The following KCNN2 variants were observed in gnomAD, a reference collection of about 807,000 sequenced individuals.
KCNN2 encodes potassium calcium-activated channel subfamily N member 2.
In KCNN2, 24 loss-of-function variants were observed where a neutral mutation model predicts 55.5. The ratio of observed to expected loss-of-function variants is 0.43; its 90% CI spans 0.31 to 0.61. The LOEUF is 0.61. KCNN2 is among the 20% of genes least tolerant of loss of function. The pLI is 0.08. For synonymous variants in KCNN2, 431 were observed against 336.1 expected (o/e 1.28, Z -3.09); for missense variants, 754 against 853.6 (o/e 0.88, Z 1.45).
chr5:114,371,184 G>A (rs1472574374), intron 2 of KCNN2, among the ~76,000 whole-genome samples: 1 of 152,164 alleles, frequency 6.6e-6, no homozygotes, highest in African/African-American at 2.4e-5. Context: ...GGAGCAGGGT[G>A]TAGAATCAGG....
At chr5:114,217,926 A>T (rs980242446) in intron 1 of KCNN2, among the ~76,000 whole-genome samples, 2 of 152,234 alleles carry the variant, frequency 1.3e-5, no homozygotes, top group Non-Finnish European at 2.9e-5. Flanking sequence ...AATTAAAAAA[A>T]TGGGCAAAAG....
chr5:114,359,146 A>G (rs944728090), upstream of KCNN2, among the ~76,000 whole-genome samples: 3 of 152,222 alleles, frequency 2.0e-5, no homozygotes, highest in Non-Finnish European at 4.4e-5. Context: ...CTCTCTGTCC[A>G]ATCACAGTGA....
chr5:114,349,502 T>TA (rs1186843409), intron 2 of KCNN2, among the ~76,000 whole-genome samples: 1 of 152,064 alleles, frequency 6.6e-6, no homozygotes, highest in Non-Finnish European at 1.5e-5. Context: ...GAATTATGTG[T>TA]TTAGACTTGG....
chr5:114,263,144 T>G (rs4235760), intron 2 of KCNN2, among the ~76,000 whole-genome samples: 129,679 of 151,966 alleles, frequency 0.85, 55,447 homozygotes, highest in East Asian at 0.94. Context: ...TGGCTCTTGG[T>G]GAGCATGTTG....
chr5:114,350,699 T>G (rs1295108237), intron 2 of KCNN2, among the ~76,000 whole-genome samples: 1 of 151,936 alleles, frequency 6.6e-6, no homozygotes, highest in Non-Finnish European at 1.5e-5. Context: ...TAGCACTTTT[T>G]GTGGAAAAGA....
intron 2 of KCNN2, among the ~76,000 whole-genome samples, chr5:114,328,384 AGC>A (rs1011261975): frequency 6.6e-6 from 1 of 152,190 alleles, no homozygotes; most frequent in Non-Finnish European, 1.5e-5. Context: ...GCCACGAAGT[AGC>A]AAGAGAAGAG....
At chr5:114,404,945 G>C in intron 3 of KCNN2, 89 bp downstream of exon 3, 1 of 1,142,018 alleles carries the variant, frequency 8.8e-7, no homozygotes, top group Non-Finnish European at 1.3e-6. Flanking sequence ...GAGACGTGTA[G>C]TGTCTCACTC....
chr5:114,185,488 T>A (rs1011622143), intron 1 of KCNN2, among the ~76,000 whole-genome samples: 3 of 152,164 alleles, frequency 2.0e-5, no homozygotes, highest in African/African-American at 7.2e-5. Context: ...GGCCTCTCCT[T>A]TTCCTGTGTG....
intron 1 of KCNN2, among the ~76,000 whole-genome samples, chr5:114,194,886 AT>A (rs61169195): frequency 0.047 from 6,744 of 143,542 alleles, 283 homozygotes; most frequent in African/African-American, 0.12. Context: ...CCTTGATTTA[AT>A]TTTTTTTTTT....
At chr5:114,241,788 ATATATG>A (rs1449198716) in intron 2 of KCNN2, among the ~76,000 whole-genome samples, 4 of 15,086 alleles carry the variant, frequency 2.7e-4, no homozygotes, top group African/African-American at 1.2e-3. Flanking sequence ...ATATACGTAT[ATATATG>A]TATATATATA....
intron 1 of KCNN2, among the ~76,000 whole-genome samples, chr5:114,073,199 C>G (rs1750614252): frequency 6.6e-6 from 1 of 152,212 alleles, no homozygotes; most frequent in African/African-American, 2.4e-5. Flanking sequence ...ATATTCCCAT[C>G]AGATGTGCCC....
chr5:114,475,064 TAAGAGTTAGAAAAGACA>T (rs372729589), intron 5 of KCNN2, among the ~76,000 whole-genome samples: 120 of 152,304 alleles, frequency 7.9e-4, no homozygotes, highest in African/African-American at 2.3e-3. Flanking sequence ...TAAAACATTT[TAAGAGTTAGAAAAGACA>T]AAGAGTTAGA....
intron 1 of KCNN2, among the ~76,000 whole-genome samples, chr5:114,063,913 A>G (rs1359870381): frequency 6.6e-6 from 1 of 152,264 alleles, no homozygotes; most frequent in Non-Finnish European, 1.5e-5. Context: ...GCCATTGAGC[A>G]TACTGTGAAA....
chr5:114,299,409 A>T (rs1756104989), intron 2 of KCNN2, among the ~76,000 whole-genome samples: 1 of 152,212 alleles, frequency 6.6e-6, no homozygotes, highest in South Asian at 2.1e-4. Context: ...TTTCCTTATC[A>T]GTGCTGAGTG....
chr5:114,275,711 G>T (rs1182528877), intron 2 of KCNN2, among the ~76,000 whole-genome samples: 1 of 151,922 alleles, frequency 6.6e-6, no homozygotes, highest in Non-Finnish European at 1.5e-5. Flanking sequence ...GCATTTATTT[G>T]AGTCTTCTCT....
Position 114,057,434 on chromosome 5 carries a change from G to A in KCNN2, c.-271+934G>A, listed in dbSNP as rs140718160. Among the ~76,000 whole-genome samples the A allele has an allele frequency of 5.3e-5, 8 of 152,226 alleles. No homozygotes were observed. In the East Asian group the frequency reaches 1.2e-3, roughly 22 times the overall value. ...CATACAGTTAGTAAGTGGGGGAACC[G>A]AGATTGAAGCTCAGCATCTGAGTCT... is the stretch of plus-strand genomic sequence containing the variant. On this transcript the variant is annotated intron_variant, in intron 1 of 10. Coordinates refer to the KCNN2 transcript ENST00000512097.
chr5:114,324,012 G>T (rs760300198), intron 2 of KCNN2, among the ~76,000 whole-genome samples: 1 of 152,080 alleles, frequency 6.6e-6, no homozygotes, highest in Non-Finnish European at 1.5e-5. Context: ...AATATTAAAT[G>T]TTATTACTAT....
intron 1 of KCNN2, among the ~76,000 whole-genome samples, chr5:114,156,957 C>G (rs545945711): frequency 6.6e-6 from 1 of 151,650 alleles, no homozygotes; most frequent in African/African-American, 2.4e-5. Flanking sequence ...ATGTAGTATA[C>G]CTCTAAGGAT....
At chr5:114,224,139 T>G (rs1299980453) in intron 2 of KCNN2, among the ~76,000 whole-genome samples, 1 of 152,124 alleles carries the variant, frequency 6.6e-6, no homozygotes, top group Non-Finnish European at 1.5e-5. Context: ...GTAATTCAGC[T>G]GACCACAGAA....
Sources: gnomAD v4.1 joint callset for allele counts (sites outside exome capture counted in the v4.1 genomes callset) on GRCh38, gnomAD v4.1.1 for gene constraint, MANE v1.5 for transcripts, NCBI Gene and HGNC (gene_info 2026-07-23, HGNC 2026-07-21) for gene names.